NXPH1: variants seen among roughly 807,000 people sequenced by gnomAD.
NXPH1 encodes the protein neurexophilin 1, also known as neurexophilin-1.
NXPH1 carries 5 observed loss-of-function variants against 23.7 expected under a neutral mutation model. The ratio of observed to expected loss-of-function variants is 0.21; its 90% CI spans 0.11 to 0.44. NXPH1 has a LOEUF of 0.44. NXPH1 is among the 20% of genes least tolerant of loss of function. The pLI is 0.99. For missense variants in NXPH1, 324 were observed against 321.6 expected (o/e 1.01, Z -0.06); for synonymous variants, 144 against 122.2 (o/e 1.18, Z -1.18).
chr7:8,512,186 C>A (rs975961921), intron 2 of NXPH1, among the ~76,000 whole-genome samples: 12 of 152,112 alleles, frequency 7.9e-5, no homozygotes, highest in African/African-American at 2.9e-4. Context: ...GAGAACTTAG[C>A]AATTTTGCCT....
At chr7:8,590,473 A>G (rs999976137) in intron 2 of NXPH1, among the ~76,000 whole-genome samples, 2 of 152,160 alleles carry the variant, frequency 1.3e-5, no homozygotes, top group South Asian at 2.1e-4. Context: ...TAGTGGGAAA[A>G]TTAGAACCTT....
intron 2 of NXPH1, among the ~76,000 whole-genome samples, chr7:8,483,962 C>A (rs954083029): frequency 5.9e-5 from 8 of 134,724 alleles, no homozygotes; most frequent in African/African-American, 2.7e-4. Context: ...ACACTCCCCC[C>A]ACCTTTTTTT....
intron 2 of NXPH1, among the ~76,000 whole-genome samples, chr7:8,613,865 CACACAT>C (rs1819673210): frequency 6.6e-6 from 1 of 151,730 alleles, no homozygotes; most frequent in Non-Finnish European, 1.5e-5. Context: ...AAATCATACA[CACACAT>C]ATACATATAA....
intron 2 of NXPH1, among the ~76,000 whole-genome samples, chr7:8,543,224 T>C (rs1562397036): frequency 6.6e-6 from 1 of 151,566 alleles, no homozygotes; most frequent in Non-Finnish European, 1.5e-5. Context: ...ACCTATGTAT[T>C]TTTGCTCATG....
chr7:8,555,708 C>G (rs891997482), intron 2 of NXPH1, among the ~76,000 whole-genome samples: 2 of 151,694 alleles, frequency 1.3e-5, no homozygotes, highest in African/African-American at 4.8e-5. Context: ...TAGGCAGTTT[C>G]CTTCACAGAT....
intron 2 of NXPH1, among the ~76,000 whole-genome samples, chr7:8,712,724 G>C (rs766996676): frequency 6.6e-6 from 1 of 152,120 alleles, no homozygotes; most frequent in Non-Finnish European, 1.5e-5. Context: ...GAATAATTTT[G>C]CAGATGAGGA....
intron 2 of NXPH1, among the ~76,000 whole-genome samples, chr7:8,536,609 T>TAA (rs5882170): frequency 9.9e-5 from 15 of 151,514 alleles, no homozygotes; most frequent in Non-Finnish European, 2.1e-4. Context: ...TTGGTAGACT[T>TAA]AAAAAAAGGA....
intron 2 of NXPH1, among the ~76,000 whole-genome samples, chr7:8,475,922 C>G (rs991075233): frequency 2.6e-5 from 4 of 152,160 alleles, no homozygotes; most frequent in Non-Finnish European, 4.4e-5. Flanking sequence ...ATACCCATGT[C>G]TGCCACCCCT....
intron 2 of NXPH1, among the ~76,000 whole-genome samples, chr7:8,622,193 T>TAATA (rs2115124836): frequency 6.6e-6 from 1 of 152,328 alleles, no homozygotes; most frequent in East Asian, 1.9e-4. Flanking sequence ...TAGATTGAAG[T>TAATA]AATAATTATT....
chr7:8,725,884 T>C (rs1780044762), intron 2 of NXPH1, among the ~76,000 whole-genome samples: 1 of 152,126 alleles, frequency 6.6e-6, no homozygotes, highest in Non-Finnish European at 1.5e-5. Flanking sequence ...CACAATACTC[T>C]GATCAGAAAA....
chr7:8,675,809 G>T (rs1192251065), intron 2 of NXPH1, among the ~76,000 whole-genome samples: 1 of 152,074 alleles, frequency 6.6e-6, no homozygotes, highest in African/African-American at 2.4e-5. Flanking sequence ...GACAAATATG[G>T]GTCTCTTTCT....
chr7:8,549,833 G>A (rs974073479), intron 2 of NXPH1, among the ~76,000 whole-genome samples: 6 of 151,484 alleles, frequency 4.0e-5, no homozygotes, highest in African/African-American at 1.5e-4. Context: ...TAGTGGAAGA[G>A]CTGGATTCAC....
chr7:8,446,234 AG>A (rs1816400336), intron 2 of NXPH1, among the ~76,000 whole-genome samples: 2 of 152,228 alleles, frequency 1.3e-5, no homozygotes, highest in African/African-American at 4.8e-5. Flanking sequence ...TGTCTGTCTT[AG>A]TGCAGTGATA....
chr7:8,469,219 A>G (rs1328013428), intron 2 of NXPH1, among the ~76,000 whole-genome samples: 4 of 152,130 alleles, frequency 2.6e-5, no homozygotes, highest in African/African-American at 9.6e-5. Flanking sequence ...AAATTCTACA[A>G]TCTCTGAAAT....
At chr7:8,549,241 T>A (rs1818240756) in intron 2 of NXPH1, among the ~76,000 whole-genome samples, 1 of 151,496 alleles carries the variant, frequency 6.6e-6, no homozygotes. Flanking sequence ...GTGGCCTCAT[T>A]AAGTGCAACA....
chr7:8,543,062 C>T (rs1818143961), intron 2 of NXPH1, among the ~76,000 whole-genome samples: 1 of 151,514 alleles, frequency 6.6e-6, no homozygotes, highest in Admixed American at 6.6e-5. Context: ...CTCCTTGACC[C>T]CCATGATGAT....
chr7:8,560,289 C>T (rs967813958), intron 2 of NXPH1, among the ~76,000 whole-genome samples: 3 of 151,716 alleles, frequency 2.0e-5, no homozygotes, highest in Admixed American at 2.0e-4. Flanking sequence ...CTTTGCTTTA[C>T]TCCTTGGCAT....
At chr7:8,572,340 G>C (rs1357746965) in intron 2 of NXPH1, among the ~76,000 whole-genome samples, 1 of 151,884 alleles carries the variant, frequency 6.6e-6, no homozygotes, top group East Asian at 1.9e-4. Flanking sequence ...TTAAAGCAGT[G>C]ATTAATACAA....
intron 2 of NXPH1, among the ~76,000 whole-genome samples, chr7:8,709,430 A>G (rs1779753341): frequency 2.0e-5 from 3 of 152,190 alleles, no homozygotes; most frequent in Admixed American, 6.5e-5. Context: ...AGGATTTGTT[A>G]TATAACTTGA....
Sources: allele counts gnomAD v4.1 joint callset (sites outside exome capture counted in the v4.1 genomes callset), GRCh38; gene constraint gnomAD v4.1.1; transcripts MANE v1.5; gene names NCBI Gene and HGNC (gene_info 2026-07-23, HGNC 2026-07-21).